NCOR1: variants seen among roughly 807,000 people sequenced by gnomAD.
NCOR1 encodes the protein protein phosphatase 1, regulatory subunit 109.
A neutral mutation model predicts 288.1 loss-of-function variants in NCOR1; 63 were observed. That is an observed-to-expected ratio of 0.22 (90% CI 0.18 to 0.27). NCOR1 has a LOEUF of 0.27. NCOR1 is among the 10% of genes least tolerant of loss of function. The probability of loss-of-function intolerance (pLI) is 1.00; values close to 1 mark genes in which losing one functional copy is unlikely to be tolerated. For missense variants in NCOR1, 2,397 were observed against 3,019.2 expected, an observed-to-expected ratio of 0.79 and a Z score of 4.83; for synonymous variants, 1,007 against 1,065.9, an observed-to-expected ratio of 0.94 and a Z score of 1.08.
At chr17:16,212,543 G>A (rs1267883842) in intron 1 of NCOR1, among the ~76,000 whole-genome samples, 1 of 152,082 alleles carries the variant, frequency 6.6e-6, no homozygotes, top group Non-Finnish European at 1.5e-5. Context: ...AGAACAGATG[G>A]AACTAAATAT....
At chr17:16,151,447 G>A in intron 8 of NCOR1, 1 of 533,664 alleles carries the variant, frequency 1.9e-6, no homozygotes, top group Non-Finnish European at 3.1e-6. Flanking sequence ...TCATTAGCAA[G>A]AGTCATGGAA....
At chr17:16,185,664 CA>C (rs2086498777) in intron 3 of NCOR1, among the ~76,000 whole-genome samples, 1 of 97,180 alleles carries the variant, frequency 1.0e-5, no homozygotes, top group African/African-American at 4.1e-5. Flanking sequence ...GCCTGGGTGA[CA>C]AGAGTGAGAC....
rs192911086 is a variant in NCOR1, at chr17:16,171,876, C to T, written c.362G>A (p.Arg121His). The change falls in exon 4 of 46, where the codon CGT becomes CAT. Residue 121 changes from arginine (R) to histidine (H), a missense_variant. By Grantham distance (29) the Arg-to-His change is conservative. Coordinates refer to ENST00000268712, the MANE Select transcript of NCOR1 (RefSeq NM_006311.4). ...LEQVSDSHFQ[R>H]VSAAVLPLVH... Reference sequence around the variant, plus strand: ...TAAAGGCAAAACCGCAGCACTGACACGCTGAAAATGAGAATCAGAAACCTG... The same window carrying T: ...TAAAGGCAAAACCGCAGCACTGACATGCTGAAAATGAGAATCAGAAACCTG... 16 of 1,613,474 alleles carry T rather than the reference C, an allele frequency of 9.9e-6. No individual in the cohort carries two copies. Among genetic ancestry groups the T allele is most frequent in the Middle Eastern group, 1.7e-4 (1 of 6,052 alleles).
chr17:16,185,859 C>A (rs1455192522), intron 3 of NCOR1, among the ~76,000 whole-genome samples: 1 of 151,630 alleles, frequency 6.6e-6, no homozygotes, highest in African/African-American at 2.4e-5. Context: ...ATCACTTGAG[C>A]CCAGGAGGTT....
At chr17:16,149,292 C>CATATATATATATATATATATATATAT (rs34511605) in intron 9 of NCOR1, among the ~76,000 whole-genome samples, 159 bp downstream of exon 9, 1 of 137,958 alleles carries the variant, frequency 7.2e-6, no homozygotes, top group African/African-American at 2.7e-5. Context: ...AGATTTAAGT[C>CATATATATATATATATATATATATAT]ATATATATAT....
Position 16,101,404 on chromosome 17 carries a change from AG to A in NCOR1, c.2535del (p.Leu846TrpfsTer17), listed in dbSNP as rs1568018058. ...KVEGDNTKER[D>X]LDRASEKVEP... is the part of the protein sequence containing the mutation. ...TCCACCTTCTCACTGGCTCTATCCA[AG>A]TCTCTTTCTTTGGTATTATCACCTT... is the stretch of plus-strand genomic sequence containing the variant. On this transcript the variant is annotated frameshift_variant, in exon 20 of 46. Transcript: ENST00000268712. LOFTEE classifies it high-confidence loss of function. 1 of 1,614,232 alleles carries A rather than the reference AG, an allele frequency of 6.2e-7. No homozygotes were observed.
chr17:16,058,942 G>A (rs946021581), intron 37 of NCOR1, among the ~76,000 whole-genome samples: 3 of 151,392 alleles, frequency 2.0e-5, no homozygotes, highest in Non-Finnish European at 2.9e-5. Context: ...CCAGCTACTC[G>A]GGAGGCTGAG....
intron 35 of NCOR1, among the ~76,000 whole-genome samples, chr17:16,063,372 A>G (rs1407721259): frequency 1.3e-5 from 2 of 151,972 alleles, no homozygotes; most frequent in African/African-American, 4.8e-5. Flanking sequence ...TTTTAGAGAC[A>G]GGGTCTCACC....
intron 42 of NCOR1, among the ~76,000 whole-genome samples, chr17:16,045,259 G>A (rs1476944473): frequency 1.3e-5 from 2 of 152,162 alleles, no homozygotes; most frequent in Admixed American, 1.3e-4. Context: ...TCCATCATTA[G>A]CAACATGGAC....
intron 15 of NCOR1, among the ~76,000 whole-genome samples, chr17:16,125,778 A>C (rs1318534180): frequency 6.6e-6 from 1 of 151,958 alleles, no homozygotes; most frequent in Non-Finnish European, 1.5e-5. Context: ...AAGTGAAATA[A>C]CTCAGAAACA....
chr17:16,032,285 C>T lies in NCOR1; in HGVS notation c.*11G>A. The T allele has an allele frequency of 1.3e-6, 2 of 1,599,968 alleles. No individual in the cohort carries two copies. Among genetic ancestry groups the T allele is most frequent in the Non-Finnish European group, 1.7e-6 (2 of 1,175,332 alleles). On this transcript the variant is annotated 3_prime_UTR_variant, in exon 46 of 46. Transcript: ENST00000268712. The stretch of plus-strand genomic sequence containing the variant: ...CCTCTCCTGCACCCTGTTCCCCTCA[C>T]TTTGTGCAGTTCAGTCATCACTATC...
chr17:16,031,843 G>C lies in NCOR1; in HGVS notation c.*453C>G, dbSNP rs1165376932. On this transcript the variant is annotated 3_prime_UTR_variant, in exon 46 of 46. Coordinates refer to ENST00000268712, the MANE Select transcript of NCOR1 (RefSeq NM_006311.4). Reference sequence around the variant, plus strand: ...CTGTATGAGGTTGTTTAGAAGGCTAGGGTTAAAAAGATAGATAGACAAAAA... The same window carrying C: ...CTGTATGAGGTTGTTTAGAAGGCTACGGTTAAAAAGATAGATAGACAAAAA... 1 of 232,962 alleles carries C rather than the reference G, an allele frequency of 4.3e-6. No homozygotes were observed. Among genetic ancestry groups the C allele is most frequent in the Non-Finnish European group, 8.5e-6 (1 of 118,188 alleles). 14.4% of individuals were successfully genotyped at this position (232,962 alleles called of 1,614,324 possible).
Position 16,064,085 on chromosome 17 carries a change from T to C in NCOR1, c.5204A>G (p.Asp1735Gly). 1.2e-6 allele frequency: 2 copies of C among 1,613,936 alleles called. No homozygotes were observed. The highest frequency in any genetic ancestry group is 1.7e-6 in the Non-Finnish European group (2 of 1,179,982). The change falls in exon 35 of 46, where the codon GAC (aspartate) becomes GGC (glycine). Residue 1735 changes from aspartate (D) to glycine (G), a missense_variant. By Grantham distance (94) the Asp-to-Gly change is moderately conservative (BLOSUM62 -1). Transcript: ENST00000268712. ...ERERIAAASS[D>G]LYLRPGSEQP... Reference sequence around the variant, plus strand: ...TCACTGACCTGGCCGCAGGTAGAGGTCGGAGGAAGCTGCAGCAATCCGTTC... The same window carrying C: ...TCACTGACCTGGCCGCAGGTAGAGGCCGGAGGAAGCTGCAGCAATCCGTTC...
At chr17:16,153,300 T>TAA in intron 7 of NCOR1, 39 bp downstream of exon 7, 19 of 1,217,426 alleles carry the variant, frequency 1.6e-5, no homozygotes, top group Admixed American at 7.1e-5. Context: ...CACCAAAAAT[T>TAA]AAAAAAAAAA....
chr17:16,145,394 C>T (rs1233732131), intron 10 of NCOR1, among the ~76,000 whole-genome samples: 1 of 150,730 alleles, frequency 6.6e-6, no homozygotes, highest in African/African-American at 2.5e-5. Context: ...TCTGCCTGGC[C>T]GCCCAGTCTG....
chr17:16,179,786 C>G (rs867567518), intron 3 of NCOR1, among the ~76,000 whole-genome samples: 24 of 151,958 alleles, frequency 1.6e-4, no homozygotes, highest in Non-Finnish European at 7.4e-5. Flanking sequence ...GAGGCCCAGG[C>G]GGGCGGATCA....
chr17:16,039,333 A>G, intron 44 of NCOR1, 100 bp downstream of exon 44: 1 of 1,173,458 alleles, frequency 8.5e-7, no homozygotes, highest in Non-Finnish European at 1.2e-6. Context: ...TGAGCACATA[A>G]AGACATAAAT....
At chr17:16,044,849 G>T in intron 42 of NCOR1, 1 of 926,492 alleles carries the variant, frequency 1.1e-6, no homozygotes. Flanking sequence ...TGCTGCACCA[G>T]TGGGATCCTG....
At chr17:16,172,087 T>C in intron 3 of NCOR1, 92 bp from the exon 4 acceptor site, 1 of 1,084,590 alleles carries the variant, frequency 9.2e-7, no homozygotes, top group Non-Finnish European at 1.3e-6. Flanking sequence ...AAATAACAAA[T>C]GAAAAAGTCA....
Sources: gnomAD v4.1 joint callset for allele counts (sites outside exome capture counted in the v4.1 genomes callset) on GRCh38, gnomAD v4.1.1 for gene constraint, MANE v1.5 for transcripts, NCBI Gene and HGNC (gene_info 2026-07-23, HGNC 2026-07-21) for gene names.